SCFD2: variants seen among roughly 807,000 people sequenced by gnomAD.
SCFD2 encodes sec1 family domain containing 2, also known as sec1 family domain-containing protein 2.
SCFD2 carries 54 observed loss-of-function variants against 58.9 expected under a neutral mutation model. The ratio of observed to expected loss-of-function variants is 0.92; its 90% CI spans 0.74 to 1.15. SCFD2 has a LOEUF of 1.15. Among genes scored for constraint, SCFD2 ranks in the 50% most tolerant of loss-of-function variants. SCFD2 has a pLI of 0.00. For synonymous variants in SCFD2, 321 were observed against 335.9 expected (o/e 0.96, Z 0.49); for missense variants, 805 against 836.6 (o/e 0.96, Z 0.47).
rs144262401 is a variant in SCFD2 at position 52,901,959 on chromosome 4, A to C, written c.1842+5498T>G. The stretch of plus-strand genomic sequence containing the variant: ...TTCGCTGCCTGCAAAAATGTACATA[A>C]ATAAGATTGAGTTCTGTGAGCCATT... On this transcript the variant is annotated intron_variant, in intron 7 of 8. Transcript: ENST00000401642. Among the ~76,000 whole-genome samples, 474 of 152,316 alleles carry C rather than the reference A, an allele frequency of 3.1e-3. 2 individuals carry two copies. Among genetic ancestry groups the C allele is most frequent in the Admixed American group, 5.9e-3 (91 of 15,304 alleles).
At chr4:53,033,493 A>G (rs1336491520) in intron 5 of SCFD2, among the ~76,000 whole-genome samples, 1 of 152,206 alleles carries the variant, frequency 6.6e-6, no homozygotes, top group Non-Finnish European at 1.5e-5. Context: ...GGAGATAGAG[A>G]CACGAAAAAT....
chr4:53,322,141 A>G (rs1224035163), intron 2 of SCFD2, among the ~76,000 whole-genome samples: 1 of 152,168 alleles, frequency 6.6e-6, no homozygotes, highest in Non-Finnish European at 1.5e-5. Context: ...GCATTCCCAA[A>G]TGGCTTGGGA....
At chr4:53,167,549 C>T (rs1727046429) in intron 4 of SCFD2, among the ~76,000 whole-genome samples, 1 of 152,188 alleles carries the variant, frequency 6.6e-6, no homozygotes, top group Admixed American at 6.5e-5. Flanking sequence ...AACATAGTTA[C>T]ATTTTAAGAT....
intron 5 of SCFD2, among the ~76,000 whole-genome samples, chr4:53,093,589 T>C (rs376305748): frequency 6.6e-6 from 1 of 152,176 alleles, no homozygotes; most frequent in South Asian, 2.1e-4. Context: ...CACTGTGAGA[T>C]AAGTTAGAGA....
intron 5 of SCFD2, among the ~76,000 whole-genome samples, chr4:53,135,976 A>ATATTG (rs1157338103): frequency 6.6e-6 from 1 of 152,222 alleles, no homozygotes; most frequent in Non-Finnish European, 1.5e-5. Context: ...CAATATAATT[A>ATATTG]TGCTTTTGAT....
At chr4:53,195,840 T>G (rs1728042434) in intron 4 of SCFD2, among the ~76,000 whole-genome samples, 1 of 152,144 alleles carries the variant, frequency 6.6e-6, no homozygotes, top group Admixed American at 6.6e-5. Flanking sequence ...ATATTAAAAA[T>G]GAGATAAAAC....
chr4:53,032,311 A>G (rs1040813598), intron 5 of SCFD2, among the ~76,000 whole-genome samples: 3 of 152,170 alleles, frequency 2.0e-5, no homozygotes, highest in South Asian at 2.1e-4. Flanking sequence ...GAAGGGAACA[A>G]TCGGTACCAG....
intron 5 of SCFD2, among the ~76,000 whole-genome samples, chr4:52,954,169 G>A (rs889184291): frequency 7.2e-5 from 11 of 152,210 alleles, no homozygotes; most frequent in Admixed American, 7.2e-4. Flanking sequence ...ATTCTTGACA[G>A]TAAACTTGCT....
chr4:53,155,162 A>T (rs1207867728), intron 4 of SCFD2, among the ~76,000 whole-genome samples: 1 of 152,244 alleles, frequency 6.6e-6, no homozygotes, highest in Non-Finnish European at 1.5e-5. Context: ...ATCAGGGCAC[A>T]CAACTCAGGC....
chr4:53,177,262 G>A (rs779900561), intron 4 of SCFD2, among the ~76,000 whole-genome samples: 1 of 152,162 alleles, frequency 6.6e-6, no homozygotes, highest in Admixed American at 6.5e-5. Flanking sequence ...AGAGTTAGTT[G>A]AAGAAAGTAA....
At chr4:53,151,870 A>C (rs1352557082) in intron 4 of SCFD2, among the ~76,000 whole-genome samples, 2 of 152,258 alleles carry the variant, frequency 1.3e-5, no homozygotes, top group Admixed American at 6.5e-5. Context: ...AAAGGAAGGC[A>C]AAGGGGGTGC....
intron 1 of SCFD2, among the ~76,000 whole-genome samples, chr4:53,353,407 A>G (rs1229155480): frequency 1.3e-5 from 2 of 152,132 alleles, no homozygotes; most frequent in Non-Finnish European, 2.9e-5. Flanking sequence ...AGCAATATTT[A>G]TTGCAGAGAG....
intron 1 of SCFD2, among the ~76,000 whole-genome samples, chr4:53,363,604 C>T (rs1357937796): frequency 2.0e-5 from 3 of 151,958 alleles, no homozygotes; most frequent in Non-Finnish European, 4.4e-5. Context: ...GAGGCCGAGG[C>T]GGGTGGATCA....
intron 5 of SCFD2, among the ~76,000 whole-genome samples, chr4:52,953,252 T>C (rs1720641032): frequency 6.6e-6 from 1 of 152,184 alleles, no homozygotes; most frequent in Non-Finnish European, 1.5e-5. Flanking sequence ...ACTACAGTAG[T>C]TTCCAACTAT....
At chr4:53,135,789 A>G (rs1308053762) in intron 5 of SCFD2, among the ~76,000 whole-genome samples, 2 of 151,802 alleles carry the variant, frequency 1.3e-5, no homozygotes, top group African/African-American at 4.8e-5. Context: ...ACCACTCCCT[A>G]TTGTCCCTTT....
At chr4:53,304,091 T>A (rs1255755603) in intron 3 of SCFD2, among the ~76,000 whole-genome samples, 2 of 83,022 alleles carry the variant, frequency 2.4e-5, no homozygotes, top group Non-Finnish European at 4.7e-5. Flanking sequence ...ACCCTAAAAC[T>A]TAAATAATAA....
intron 5 of SCFD2, among the ~76,000 whole-genome samples, chr4:52,944,668 C>T (rs1227662229): frequency 1.3e-5 from 2 of 152,196 alleles, no homozygotes; most frequent in Non-Finnish European, 2.9e-5. Context: ...ACATGTTTAA[C>T]ATAATAGATA....
At chr4:53,361,534 C>T (rs1734548042) in intron 1 of SCFD2, among the ~76,000 whole-genome samples, 1 of 152,168 alleles carries the variant, frequency 6.6e-6, no homozygotes, top group African/African-American at 2.4e-5. Flanking sequence ...GTAACTGAGA[C>T]CACAGGCATG....
chr4:53,362,032 C>A (rs12509730), intron 1 of SCFD2, among the ~76,000 whole-genome samples: 6,545 of 152,144 alleles, frequency 0.043, 188 homozygotes, highest in Middle Eastern at 0.088. Flanking sequence ...CCTTCAAGAA[C>A]TTCCATTCAA....
Sources: gnomAD v4.1 joint callset for allele counts (sites outside exome capture counted in the v4.1 genomes callset) on GRCh38, gnomAD v4.1.1 for gene constraint, MANE v1.5 for transcripts, NCBI Gene and HGNC (gene_info 2026-07-23, HGNC 2026-07-21) for gene names.